Variants in TRUB2 observed in about 807,000 individuals in gnomAD.
TRUB2 encodes the protein pseudouridylate synthase TRUB2, mitochondrial.
In TRUB2, 31 loss-of-function variants were observed where a neutral mutation model predicts 31.9. That is an observed-to-expected ratio of 0.97 (90% CI 0.73 to 1.31). TRUB2 has a LOEUF of 1.31. Among genes scored for constraint, TRUB2 ranks in the 50% most tolerant of loss-of-function variants. TRUB2 has a pLI of 0.00. For missense variants in TRUB2, 451 were observed against 439.6 expected, an observed-to-expected ratio of 1.03 and a Z score of -0.23; for synonymous variants, 201 against 182.6, an observed-to-expected ratio of 1.10 and a Z score of -0.81.
At chr9:128,320,818 C>G (rs1304951155) in intron 2 of TRUB2, among the ~76,000 whole-genome samples, 1 of 151,678 alleles carries the variant, frequency 6.6e-6, no homozygotes, top group Non-Finnish European at 1.5e-5. Context: ...GAGACGGAGT[C>G]TCGCTCTGTT....
At chr9:128,316,395 G>C (rs929658744) in intron 3 of TRUB2, 1 of 144,572 alleles carries the variant, frequency 6.9e-6, no homozygotes, top group Admixed American at 6.9e-5. Context: ...TCTGTCTCAG[G>C]AAAAAAAAAA....
chr9:128,317,533 G>T (rs760606378), intron 2 of TRUB2, among the ~76,000 whole-genome samples: 1 of 152,216 alleles, frequency 6.6e-6, no homozygotes, highest in Non-Finnish European at 1.5e-5. Context: ...CTCTACTGAG[G>T]AAGAGTCCCT....
Position 128,309,324 on chromosome 9 carries a change from G to T in TRUB2, c.*226C>A, listed in dbSNP as rs1831920999. On this transcript the variant is annotated 3_prime_UTR_variant, in exon 8 of 8. Transcript: ENST00000372890. ...TTACAAGTGCCCGCCACCACGCCTG[G>T]TCTGCCAATACTTTCTATCAGTCTG... 1.8e-6 allele frequency: 1 copy of T among 550,068 alleles called. No individual in the cohort carries two copies. Among genetic ancestry groups the T allele is most frequent in the East Asian group, 3.0e-5 (1 of 33,222 alleles). The allele number at this position is 550,068 out of a possible 1,614,324, so 34.1% of individuals were successfully genotyped here.
chr9:128,311,831 ATT>A (rs1221501677), intron 5 of TRUB2, among the ~76,000 whole-genome samples: 7 of 118,862 alleles, frequency 5.9e-5, no homozygotes, highest in African/African-American at 6.8e-5. Context: ...AGGGCACTCT[ATT>A]TTTTTTTTTT....
rs2131441142 is a variant in TRUB2, at chr9:128,309,414, C to T, written c.*136G>A. 1.0e-6 allele frequency: 1 copy of T among 955,158 alleles called. No individual in the cohort carries two copies. The highest frequency in any genetic ancestry group is 1.5e-6 in the Non-Finnish European group (1 of 650,414). 59.2% of individuals were successfully genotyped at this position (955,158 alleles called of 1,614,324 possible). On this transcript the variant is annotated 3_prime_UTR_variant, in exon 8 of 8. Transcript: ENST00000372890. ...TTCTCAGTTGGGTCAAGTCCATTGA[C>T]CTTTCTGTTACAGCTTGAGTTTTGT...
intron 6 of TRUB2, 41 bp downstream of exon 6, chr9:128,311,488 A>T (rs767230529): frequency 6.2e-7 from 1 of 1,603,562 alleles, no homozygotes; most frequent in Non-Finnish European, 8.5e-7. Context: ...AGCCAAGGGC[A>T]CTTACTGCTC....
Position 128,310,009 on chromosome 9 carries a change from C to T in TRUB2, c.671-134G>A, listed in dbSNP as rs1003364291. On this transcript the variant is annotated intron_variant, in intron 7 of 7. Transcript: ENST00000372890. The stretch of plus-strand genomic sequence containing the variant: ...AGACCCCTAAGCTCTCCAGGTTGTG[C>T]TATTCAGAGGACCTGCCCTGTGGGT... 3.0e-5 allele frequency: 30 copies of T among 988,882 alleles called. No homozygotes were observed. The African/African-American group carries it at 4.9e-4, about 16-fold the overall frequency. 61.3% of individuals were successfully genotyped at this position (988,882 alleles called of 1,614,324 possible).
At chr9:128,311,756 C>T (rs560878847) in intron 5 of TRUB2, among the ~76,000 whole-genome samples, 155 bp from the exon 6 acceptor site, 1 of 151,068 alleles carries the variant, frequency 6.6e-6, no homozygotes, top group Admixed American at 6.6e-5. Flanking sequence ...CTTTGAGATT[C>T]TCATGAAAGC....
chr9:128,311,657 C>A, intron 5 of TRUB2, 56 bp from the exon 6 acceptor site: 1 of 1,584,634 alleles, frequency 6.3e-7, no homozygotes, highest in Middle Eastern at 1.7e-4. Flanking sequence ...TTGGTCACAG[C>A]AAACTCCTTC....
Position 128,311,581 on chromosome 9 carries a change from G to T in TRUB2, c.481C>A (p.Leu161Met). The stretch of plus-strand genomic sequence containing the variant: ...TGGATAACGGCCAGAATGCGGTCCA[G>T]CTTCTCTCTGGTCACGTGGTCTGGA... ...TTYDHVTREK[L>M]DRILAVIQGS... is the part of the protein sequence containing the mutation. Residue 161 changes from leucine to methionine, a missense_variant, in exon 6 of 8, where the codon CTG becomes ATG. Coordinates refer to ENST00000372890, the MANE Select transcript of TRUB2 (RefSeq NM_015679.3). 1 of 1,614,078 alleles carries T rather than the reference G, an allele frequency of 6.2e-7. No homozygotes were observed. Among genetic ancestry groups the T allele is most frequent in the Non-Finnish European group, 8.5e-7 (1 of 1,180,010 alleles).
chr9:128,318,086 G>A (rs941293582), intron 2 of TRUB2, among the ~76,000 whole-genome samples: 4 of 152,158 alleles, frequency 2.6e-5, no homozygotes, highest in African/African-American at 9.7e-5. Flanking sequence ...GCTCACACCT[G>A]TAATCCCAGC....
intron 1 of TRUB2, among the ~76,000 whole-genome samples, chr9:128,321,973 G>A (rs775749604): frequency 6.6e-6 from 1 of 152,132 alleles, no homozygotes; most frequent in Non-Finnish European, 1.5e-5. Flanking sequence ...CAAACACTTG[G>A]GGGATTAGAC....
Position 128,321,626 on chromosome 9 carries a change from C to CCTCACA in TRUB2, c.213_214insTGTGAG (p.Ser71_Val72insCysGlu). ...AGTGGATGGTTGATGAAAGAGGGTA[C>CCTCACA]GCTGGTGGCTGTGAGGGTCAGCTCC... is the stretch of plus-strand genomic sequence containing the variant. On this transcript the variant is annotated inframe_insertion, in exon 2 of 8. Coordinates refer to ENST00000372890, the MANE Select transcript of TRUB2 (RefSeq NM_015679.3). 6 of 1,613,980 alleles carry CCTCACA rather than the reference C, an allele frequency of 3.7e-6. No individual in the cohort carries two copies. In the Middle Eastern group the frequency reaches 1.0e-3, roughly 269 times the overall value.
At chr9:128,310,232 G>A (rs1588519677) in intron 7 of TRUB2, among the ~76,000 whole-genome samples, 6 of 152,014 alleles carry the variant, frequency 3.9e-5, no homozygotes, top group Admixed American at 3.3e-4. Context: ...TAGCTGGGAC[G>A]TTCTGAGCCA....
At chr9:128,313,782 C>T (rs1375340449) in intron 5 of TRUB2, 26 bp downstream of exon 5, 1 of 1,608,698 alleles carries the variant, frequency 6.2e-7, no homozygotes, top group Non-Finnish European at 8.5e-7. Context: ...CGGAGGGAGG[C>T]AGCGGCAGCC....
intron 7 of TRUB2, among the ~76,000 whole-genome samples, chr9:128,310,409 A>G (rs969220487): frequency 6.6e-6 from 1 of 151,662 alleles, no homozygotes; most frequent in African/African-American, 2.4e-5. Flanking sequence ...TTAAAATGTT[A>G]TTAAGATGTT....
Position 128,317,139 on chromosome 9 carries a change from T to C in TRUB2, c.316+13A>G, listed in dbSNP as rs1194121949. On this transcript the variant is annotated intron_variant, in intron 3 of 7. Transcript: ENST00000372890. Reference sequence around the variant, plus strand: ...CCTTATCACTGTACCCCCAGGCTTCTCACATCACCTACCAAGTACTCCAGA... The same window carrying C: ...CCTTATCACTGTACCCCCAGGCTTCCCACATCACCTACCAAGTACTCCAGA... The C allele has an allele frequency of 6.4e-7, 1 of 1,567,736 alleles. No homozygotes were observed. Among genetic ancestry groups the C allele is most frequent in the Non-Finnish European group, 8.7e-7 (1 of 1,154,600 alleles).
chr9:128,311,162 A>C, intron 6 of TRUB2, 139 bp from the exon 7 acceptor site: 1 of 1,185,134 alleles, frequency 8.4e-7, no homozygotes, highest in African/African-American at 1.5e-5. Flanking sequence ...GCCCTCCTTC[A>C]TCACCAGGTG....
At chr9:128,311,324 C>T (rs1049304482) in intron 6 of TRUB2, 3 of 637,454 alleles carry the variant, frequency 4.7e-6, no homozygotes, top group African/African-American at 3.7e-5. Flanking sequence ...CAGCTTGGTT[C>T]TCTTGCTCTT....
Sources: allele counts gnomAD v4.1 joint callset (sites outside exome capture counted in the v4.1 genomes callset), GRCh38; gene constraint gnomAD v4.1.1; transcripts MANE v1.5; gene names NCBI Gene and HGNC (gene_info 2026-07-23, HGNC 2026-07-21).